Variants in NRG2 observed in about 807,000 individuals in gnomAD.
NRG2 encodes neuregulin 2.
In NRG2, 27 loss-of-function variants were observed where a neutral mutation model predicts 73.9. That is an observed-to-expected ratio of 0.37 (90% CI 0.27 to 0.50). NRG2 has a LOEUF of 0.50. Ranked by LOEUF, NRG2 falls within the 20% of genes least tolerant of loss-of-function variation. NRG2 has a pLI of 0.96. For missense variants in NRG2, 1,126 were observed against 1,210.1 expected (o/e 0.93, Z 1.03); for synonymous variants, 532 against 541.0 (o/e 0.98, Z 0.23).
rs71574473 is a variant in NRG2 at position 139,964,357 on chromosome 5, TACACACACACACACAC to T, written c.701-76862_701-76847del. ...GGTTAGTCATACACAGAAATACAGA[TACACACACACACACAC>T]ACACACACACACACACACGGATGCC... On this transcript the variant is annotated intron_variant, in intron 1 of 9. Transcript: ENST00000361474. Among the ~76,000 whole-genome samples, 3 of 142,836 alleles carry T rather than the reference TACACACACACACACAC, an allele frequency of 2.1e-5. No individual in the cohort carries two copies. The South Asian group carries it at 6.8e-4, about 32-fold the overall frequency. 93.7% of individuals were successfully genotyped at this position (142,836 alleles called of 152,430 possible).
At chr5:139,920,782 A>C (rs1751602100) in intron 1 of NRG2, among the ~76,000 whole-genome samples, 1 of 152,148 alleles carries the variant, frequency 6.6e-6, no homozygotes, top group Non-Finnish European at 1.5e-5. Context: ...AACAAAACAA[A>C]TCACAGCATA....
At chr5:140,000,505 GTT>G (rs2126619691) in intron 1 of NRG2, among the ~76,000 whole-genome samples, 1 of 152,394 alleles carries the variant, frequency 6.6e-6, no homozygotes, top group South Asian at 2.1e-4. Flanking sequence ...AACCAAGCCA[GTT>G]GTTAAGTAGG....
chr5:139,875,233 G>A (rs1191417981), intron 3 of NRG2, among the ~76,000 whole-genome samples: 1 of 152,036 alleles, frequency 6.6e-6, no homozygotes, highest in Non-Finnish European at 1.5e-5. Flanking sequence ...GGATGGTCTC[G>A]ATCTCCTGAC....
intron 5 of NRG2, chr5:139,864,965 G>A: frequency 1.4e-6 from 1 of 737,458 alleles, no homozygotes. Flanking sequence ...ACATGTGGAG[G>A]TGGGGGTGCC....
chr5:139,925,450 C>G (rs925977007), intron 1 of NRG2, among the ~76,000 whole-genome samples: 3 of 152,230 alleles, frequency 2.0e-5, no homozygotes, highest in Non-Finnish European at 4.4e-5. Context: ...AAAGCACTAA[C>G]AATCCCAGAT....
intron 3 of NRG2, among the ~76,000 whole-genome samples, chr5:139,872,674 G>C (rs965784213): frequency 6.6e-6 from 1 of 152,120 alleles, no homozygotes; most frequent in East Asian, 1.9e-4. Flanking sequence ...GTGCAAAACT[G>C]GGGGAGAGCA....
chr5:140,005,155 G>T (rs1337783395), intron 1 of NRG2, among the ~76,000 whole-genome samples: 1 of 152,118 alleles, frequency 6.6e-6, no homozygotes, highest in Non-Finnish European at 1.5e-5. Context: ...ACTCCCTGGG[G>T]CCAAAAGCGA....
chr5:139,936,675 A>T (rs1241607588), intron 1 of NRG2, among the ~76,000 whole-genome samples: 1 of 152,248 alleles, frequency 6.6e-6, no homozygotes, highest in Admixed American at 6.5e-5. Context: ...TATTGCTCTG[A>T]TACCAAAACT....
Position 139,865,487 on chromosome 5 carries a change from G to C in NRG2, c.1189+62C>G, listed in dbSNP as rs879079014. On this transcript the variant is annotated intron_variant, in intron 5 of 9. Coordinates refer to ENST00000361474, the MANE Select transcript of NRG2 (RefSeq NM_004883.3). The surrounding 1 kb of genome is among the most constrained non-coding windows in gnomAD (Gnocchi z 5.2). Reference sequence around the variant, plus strand: ...ACCCCTGGCCCTATGCCCTACATTGGGGGGACTGCACCCAGAAGCTTTCTA... The same window carrying C: ...ACCCCTGGCCCTATGCCCTACATTGCGGGGACTGCACCCAGAAGCTTTCTA... 9.3e-6 allele frequency: 12 copies of C among 1,294,098 alleles called. No individual in the cohort carries two copies. The highest frequency in any genetic ancestry group is 4.4e-5 in the African/African-American group (3 of 67,800). 80.2% of individuals were successfully genotyped at this position (1,294,098 alleles called of 1,614,324 possible).
Position 139,964,678 on chromosome 5 carries a change from G to A in NRG2, c.701-77167C>T, listed in dbSNP as rs115204389. ...AAGGATTCTGGAGTTAGACTCCTCCGTCAGAGAGGTTCTCAAAGCTGACAG... is the reference window on the plus strand; with the variant it reads ...AAGGATTCTGGAGTTAGACTCCTCCATCAGAGAGGTTCTCAAAGCTGACAG... On this transcript the variant is annotated intron_variant, in intron 1 of 9. Transcript: ENST00000361474. Among the ~76,000 whole-genome samples, 931 of 152,290 alleles carry A rather than the reference G, an allele frequency of 6.1e-3. 5 individuals carry two copies. Among genetic ancestry groups the A allele is most frequent in the African/African-American group, 0.011 (475 of 41,558 alleles).
intron 2 of NRG2, among the ~76,000 whole-genome samples, chr5:139,886,564 A>T (rs1353942881): frequency 6.6e-6 from 1 of 152,246 alleles, no homozygotes; most frequent in East Asian, 1.9e-4. Context: ...CCCGGAGCCA[A>T]CAGAGCAGAC....
At chr5:139,960,527 C>CA (rs1168510042) in intron 1 of NRG2, among the ~76,000 whole-genome samples, 2 of 151,846 alleles carry the variant, frequency 1.3e-5, no homozygotes, top group African/African-American at 2.4e-5. Flanking sequence ...AACAAACAAA[C>CA]AAAAAAAATT....
At chr5:139,986,695 GTCC>G in intron 1 of NRG2, among the ~76,000 whole-genome samples, 1 of 152,262 alleles carries the variant, frequency 6.6e-6, no homozygotes. Context: ...TATCTGGGTT[GTCC>G]AATATGGTAG....
At chr5:139,947,777 C>T (rs11949090) in intron 1 of NRG2, among the ~76,000 whole-genome samples, 31,303 of 152,118 alleles carry the variant, frequency 0.21, 3,961 homozygotes, top group African/African-American at 0.36. Flanking sequence ...CATTGTGGTT[C>T]TGATTTGCAT....
At chr5:139,919,266 G>T (rs1390977587) in intron 1 of NRG2, among the ~76,000 whole-genome samples, 1 of 152,074 alleles carries the variant, frequency 6.6e-6, no homozygotes, top group African/African-American at 2.4e-5. Context: ...GAAGCAAGAA[G>T]CACTTGCCAG....
intron 1 of NRG2, among the ~76,000 whole-genome samples, chr5:140,031,004 T>C (rs764374776): frequency 6.6e-6 from 1 of 152,214 alleles, no homozygotes; most frequent in Non-Finnish European, 1.5e-5. Context: ...CTCCATGTTA[T>C]GTCCAAAAGA....
At chr5:140,024,054 A>C (rs1021479431) in intron 1 of NRG2, among the ~76,000 whole-genome samples, 1 of 152,086 alleles carries the variant, frequency 6.6e-6, no homozygotes, top group Non-Finnish European at 1.5e-5. Flanking sequence ...GAGACCTGTC[A>C]ACTGAATGTA....
chr5:140,041,251 G>A (rs989785898), intron 1 of NRG2, among the ~76,000 whole-genome samples: 3 of 152,168 alleles, frequency 2.0e-5, no homozygotes, highest in African/African-American at 7.2e-5. Flanking sequence ...AGTCCAGCAA[G>A]TCATACCGCA....
chr5:139,915,926 G>C lies in NRG2; in HGVS notation c.701-28415C>G, dbSNP rs1751219924. On this transcript the variant is annotated intron_variant, in intron 1 of 9. Coordinates refer to ENST00000361474, the MANE Select transcript of NRG2 (RefSeq NM_004883.3). The surrounding 1 kb of genome is among the most constrained non-coding windows in gnomAD (Gnocchi z 4.0). The stretch of plus-strand genomic sequence containing the variant: ...TGACTGACATGTAGGAAGTCATGGA[G>C]ATAAGGCTAAAAAGACTGGGTGGGA... 6.6e-6 allele frequency among the ~76,000 whole-genome samples: 1 copy of C among 152,166 alleles called. No homozygotes were observed. Among genetic ancestry groups the C allele is most frequent in the African/African-American group, 2.4e-5 (1 of 41,430 alleles).
Sources: gnomAD v4.1 joint callset for allele counts (sites outside exome capture counted in the v4.1 genomes callset) on GRCh38, gnomAD v4.1.1 for gene constraint, Gnocchi (gnomAD v3.1) non-coding constraint, MANE v1.5 for transcripts, NCBI Gene and HGNC (gene_info 2026-07-23, HGNC 2026-07-21) for gene names.